ZNF385D: variants seen among roughly 807,000 people sequenced by gnomAD.
ZNF385D encodes zinc finger protein 659.
Under a neutral mutation model 35.8 loss-of-function variants are expected in ZNF385D, and 15 were observed. The observed-to-expected ratio is 0.42, with a 90% CI of 0.28 to 0.64. The LOEUF (loss-of-function observed/expected upper bound fraction) is 0.64. ZNF385D is among the 30% of genes least tolerant of loss of function. The probability of loss-of-function intolerance (pLI) is 0.23; values close to 1 mark genes in which losing one functional copy is unlikely to be tolerated. For missense variants in ZNF385D, 474 were observed against 494.6 expected (o/e 0.96, Z 0.39); for synonymous variants, 212 against 186.8 (o/e 1.13, Z -1.10).
intron 2 of ZNF385D, among the ~76,000 whole-genome samples, chr3:22,370,015 A>T (rs1696830487): frequency 6.6e-6 from 1 of 152,202 alleles, no homozygotes; most frequent in South Asian, 2.1e-4. Context: ...TATAGATGAA[A>T]CACTGTTTTC....
chr3:21,680,509 G>A lies in ZNF385D; in HGVS notation c.23-15481C>T, dbSNP rs182578258. Among the ~76,000 whole-genome samples, 75 of 152,166 alleles carry A rather than the reference G, an allele frequency of 4.9e-4. 1 individual carries two copies. Among genetic ancestry groups the A allele is most frequent in the African/African-American group, 1.6e-3 (67 of 41,522 alleles). ...TAGACCACAATTTGTTCTTTCCTGC[G>A]TATTTTCAAGAGTTTGCAACCCACT... On this transcript the variant is annotated intron_variant, in intron 1 of 7. Transcript: ENST00000281523.
intron 3 of ZNF385D, among the ~76,000 whole-genome samples, chr3:22,039,996 T>G (rs1214025368): frequency 2.0e-5 from 3 of 152,134 alleles, no homozygotes; most frequent in Non-Finnish European, 2.9e-5. Flanking sequence ...GGCTGAATAT[T>G]TGGCCTCCTG....
intron 3 of ZNF385D, among the ~76,000 whole-genome samples, chr3:22,034,918 A>C (rs1698220846): frequency 6.6e-6 from 1 of 152,226 alleles, no homozygotes; most frequent in South Asian, 2.1e-4. Context: ...TATCTTACAG[A>C]ATAATAGTAT....
intron 3 of ZNF385D, among the ~76,000 whole-genome samples, chr3:22,035,444 T>C (rs1376137118): frequency 1.3e-5 from 2 of 152,166 alleles, no homozygotes; most frequent in Non-Finnish European, 2.9e-5. Flanking sequence ...TACTTATCAG[T>C]TAAGCCCAGA....
At chr3:21,604,252 T>A (rs917036351) in intron 2 of ZNF385D, among the ~76,000 whole-genome samples, 1 of 151,914 alleles carries the variant, frequency 6.6e-6, no homozygotes, top group African/African-American at 2.4e-5. Flanking sequence ...ACAGAGAGTC[T>A]GCTCTGTGTG....
intron 3 of ZNF385D, among the ~76,000 whole-genome samples, chr3:21,851,020 A>C (rs1001503538): frequency 3.3e-5 from 5 of 152,220 alleles, no homozygotes; most frequent in African/African-American, 1.2e-4. Flanking sequence ...CTAGGCAATA[A>C]AAACAAATCT....
rs200957290 is a variant in ZNF385D, at chr3:21,983,139, TTTTTA to T, written c.325+185673_325+185677del. Among the ~76,000 whole-genome samples, 1,011 of 147,350 alleles carry T rather than the reference TTTTTA, an allele frequency of 6.9e-3. 15 individuals are homozygous for T. Among genetic ancestry groups the T allele is most frequent in the African/African-American group, 0.023 (910 of 39,690 alleles). On this transcript the variant is annotated intron_variant, in intron 3 of 5. Transcript: ENST00000494108. ...TGGGGAGGAGTCCCTCCTCCTCAAT[TTTTTA>T]TTTTATTTTATTTTATTTTATTATT...
intron 2 of ZNF385D, among the ~76,000 whole-genome samples, chr3:21,611,912 C>T (rs964500584): frequency 6.6e-6 from 1 of 151,960 alleles, no homozygotes; most frequent in Non-Finnish European, 1.5e-5. Context: ...TGTTGTACCT[C>T]AGTATACTTT....
At chr3:22,120,969 C>G (rs986881789) in intron 3 of ZNF385D, among the ~76,000 whole-genome samples, 1 of 152,120 alleles carries the variant, frequency 6.6e-6, no homozygotes, top group South Asian at 2.1e-4. Flanking sequence ...TTTCTTCTGA[C>G]TAGACCATAT....
chr3:21,552,288 A>G (rs1185818537), intron 3 of ZNF385D, among the ~76,000 whole-genome samples: 5 of 152,212 alleles, frequency 3.3e-5, no homozygotes, highest in Admixed American at 1.3e-4. Context: ...ATATGGATCA[A>G]TTGATAAATC....
intron 3 of ZNF385D, among the ~76,000 whole-genome samples, chr3:21,810,050 G>A (rs887775344): frequency 5.3e-5 from 8 of 152,056 alleles, no homozygotes; most frequent in African/African-American, 1.7e-4. Flanking sequence ...ACACCAGCAT[G>A]TCCTTGATAC....
At chr3:21,744,582 A>C (rs563668145) in intron 1 of ZNF385D, among the ~76,000 whole-genome samples, 4 of 152,228 alleles carry the variant, frequency 2.6e-5, no homozygotes, top group Non-Finnish European at 5.9e-5. Flanking sequence ...CATCTGGAGA[A>C]AATTCACTTA....
At chr3:21,519,286 G>A (rs918612320) in intron 3 of ZNF385D, among the ~76,000 whole-genome samples, 13 of 152,212 alleles carry the variant, frequency 8.5e-5, no homozygotes, top group Admixed American at 2.0e-4. Context: ...AGCAAAGAAA[G>A]TACTTTGTCA....
intron 2 of ZNF385D, among the ~76,000 whole-genome samples, chr3:21,650,851 C>G (rs911977025): frequency 3.3e-5 from 5 of 152,106 alleles, no homozygotes; most frequent in African/African-American, 1.2e-4. Context: ...AACACCTAAA[C>G]TGAGAGTTAA....
At chr3:21,473,208 T>C (rs992818551) in intron 4 of ZNF385D, among the ~76,000 whole-genome samples, 1 of 152,066 alleles carries the variant, frequency 6.6e-6, no homozygotes, top group Non-Finnish European at 1.5e-5. Context: ...AACTCTAGTA[T>C]GATTTGGCTC....
At chr3:21,747,039 CTTT>C (rs201989992) in intron 1 of ZNF385D, among the ~76,000 whole-genome samples, 19 of 136,238 alleles carry the variant, frequency 1.4e-4, no homozygotes, top group East Asian at 2.1e-4. Context: ...ACTAGATTTT[CTTT>C]TTTTTTTTTT....
At chr3:21,494,045 A>C (rs1176483234) in intron 4 of ZNF385D, among the ~76,000 whole-genome samples, 1 of 147,522 alleles carries the variant, frequency 6.8e-6, no homozygotes, top group Non-Finnish European at 1.5e-5. Context: ...ATAGCATTAC[A>C]AGAGCAAGCA....
chr3:21,784,564 A>G (rs2071613202), intron 3 of ZNF385D, among the ~76,000 whole-genome samples: 1 of 152,132 alleles, frequency 6.6e-6, no homozygotes, highest in Non-Finnish European at 1.5e-5. Context: ...AGGTGAGGGC[A>G]GTAAGGAACT....
intron 3 of ZNF385D, among the ~76,000 whole-genome samples, chr3:21,838,123 A>G (rs1428363359): frequency 1.3e-5 from 2 of 152,118 alleles, no homozygotes; most frequent in South Asian, 2.1e-4. Flanking sequence ...ATGAATTCCC[A>G]GAGTAACACA....
Sources: gnomAD v4.1 joint callset for allele counts (sites outside exome capture counted in the v4.1 genomes callset) on GRCh38, gnomAD v4.1.1 for gene constraint, MANE v1.5 for transcripts, NCBI Gene and HGNC (gene_info 2026-07-23, HGNC 2026-07-21) for gene names.